The following MTDH variants were observed in gnomAD, a reference collection of about 807,000 sequenced individuals.
MTDH encodes metadherin, also known as protein LYRIC.
MTDH carries 34 observed loss-of-function variants against 72.7 expected under a neutral mutation model. The observed-to-expected ratio is 0.47, with a 90% CI of 0.36 to 0.62. The LOEUF (loss-of-function observed/expected upper bound fraction) is 0.62. MTDH is among the 20% of genes least tolerant of loss of function. The pLI is 0.00. For missense variants in MTDH, 677 were observed against 699.4 expected (o/e 0.97, Z 0.36); for synonymous variants, 266 against 268.9 (o/e 0.99, Z 0.10).
At chr8:97,652,975 C>G (rs1811831428) in intron 1 of MTDH, among the ~76,000 whole-genome samples, 1 of 151,928 alleles carries the variant, frequency 6.6e-6, no homozygotes, top group African/African-American at 2.4e-5. Context: ...AAAAATCAGC[C>G]AGGCATGGTG....
chr8:97,647,880 G>A (rs62521671), intron 1 of MTDH, among the ~76,000 whole-genome samples: 21,394 of 151,010 alleles, frequency 0.14, 1,735 homozygotes, highest in East Asian at 0.33. Flanking sequence ...GGAGTTTGAC[G>A]CTGTGATGAG....
Position 97,725,628 on chromosome 8 carries a change from T to C in MTDH, c.*958T>C, listed in dbSNP as rs1815322524. 6.6e-6 allele frequency: 1 copy of C among 152,638 alleles called. No individual in the cohort carries two copies. Among genetic ancestry groups the C allele is most frequent in the Non-Finnish European group, 1.5e-5 (1 of 68,036 alleles). 9.5% of individuals were successfully genotyped at this position (152,638 alleles called of 1,614,324 possible). A position where few individuals can be genotyped will look rare whatever the true frequency, so the allele number is the denominator to read the frequency against. ...TTGACATTGTCAACACCTCCAGTTA[T>C]CAGGAATACATTTTTTTACTGCCTT... On this transcript the variant is annotated 3_prime_UTR_variant, in exon 12 of 12. Coordinates refer to ENST00000336273, the MANE Select transcript of MTDH (RefSeq NM_178812.4).
At chr8:97,658,679 T>G (rs924767196) in intron 1 of MTDH, among the ~76,000 whole-genome samples, 1 of 152,142 alleles carries the variant, frequency 6.6e-6, no homozygotes, top group Non-Finnish European at 1.5e-5. Context: ...TTAGCAGATA[T>G]AAGTTTTGTG....
chr8:97,697,246 G>T (rs2131026267), intron 6 of MTDH, among the ~76,000 whole-genome samples: 1 of 148,156 alleles, frequency 6.7e-6, no homozygotes, highest in Non-Finnish European at 1.5e-5. Context: ...TTGTATAAAG[G>T]GACAGATAGT....
intron 2 of MTDH, among the ~76,000 whole-genome samples, chr8:97,668,546 C>T (rs996445997): frequency 6.6e-6 from 1 of 151,512 alleles, no homozygotes; most frequent in Non-Finnish European, 1.5e-5. Context: ...ATTTCAGATT[C>T]CACACTGTAA....
At chr8:97,697,150 A>ATATATATATATTTTTTTT in intron 6 of MTDH, among the ~76,000 whole-genome samples, 14 of 68,768 alleles carry the variant, frequency 2.0e-4, no homozygotes, top group African/African-American at 1.1e-3. Context: ...ATATATATAT[A>ATATATATATATTTTTTTT]TTTTTTTTTT....
At chr8:97,658,297 T>C (rs1054550515) in intron 1 of MTDH, among the ~76,000 whole-genome samples, 1 of 152,248 alleles carries the variant, frequency 6.6e-6, no homozygotes, top group Non-Finnish European at 1.5e-5. Flanking sequence ...TTGGCACAGA[T>C]AGGAGCGTAT....
At chr8:97,691,261 GAAAA>G (rs965507514) in intron 6 of MTDH, 73 bp downstream of exon 6, 3 of 1,087,008 alleles carry the variant, frequency 2.8e-6, no homozygotes, top group Middle Eastern at 2.5e-4. Context: ...TTCAGAAATA[GAAAA>G]AAAAACTATG....
intron 7 of MTDH, among the ~76,000 whole-genome samples, chr8:97,700,369 A>C (rs767565796): frequency 1.3e-5 from 2 of 152,126 alleles, no homozygotes; most frequent in Non-Finnish European, 2.9e-5. Context: ...CACAAACCTA[A>C]ATCTCAAAAT....
Position 97,644,883 on chromosome 8 carries a change from C to T in MTDH, c.377C>T (p.Pro126Leu), listed in dbSNP as rs1322785566. The T allele has an allele frequency of 6.5e-7, 1 of 1,550,280 alleles. No homozygotes were observed. Among genetic ancestry groups the T allele is most frequent in the African/African-American group, 1.5e-5 (1 of 68,782 alleles). The change falls in exon 1 of 12, where the codon CCC becomes CTC. Residue 126 changes from proline to leucine, a missense_variant. Around this residue, in one of 3 missense-constraint regions of MTDH, gnomAD observed 467 missense variants for 469.1 expected, o/e 1.00. Coordinates refer to ENST00000336273, the MANE Select transcript of MTDH (RefSeq NM_178812.4). ...KKNRKKLSEK[P>L]KPNGRTVEVA... Reference sequence around the variant, plus strand: ...AACCGGAAGAAACTGTCCGAGAAGCCCAAAGTGAGTATGGGATGAGCGGCA... The same window carrying T: ...AACCGGAAGAAACTGTCCGAGAAGCTCAAAGTGAGTATGGGATGAGCGGCA...
intron 2 of MTDH, among the ~76,000 whole-genome samples, chr8:97,684,150 A>C (rs1813263140): frequency 1.3e-5 from 2 of 151,998 alleles, no homozygotes; most frequent in Non-Finnish European, 2.9e-5. Flanking sequence ...AAAAAAAAAA[A>C]AAAAACGACT....
intron 2 of MTDH, among the ~76,000 whole-genome samples, chr8:97,662,868 G>A (rs1199910024): frequency 2.6e-5 from 4 of 151,122 alleles, no homozygotes; most frequent in East Asian, 3.9e-4. Context: ...TGAAGAAGTG[G>A]CTAAGTCACT....
At chr8:97,723,636 G>A (rs1815229532) in intron 11 of MTDH, among the ~76,000 whole-genome samples, 2 of 150,316 alleles carry the variant, frequency 1.3e-5, no homozygotes, top group South Asian at 4.2e-4. Flanking sequence ...CCAGCTACTC[G>A]GGAGGCTGAG....
chr8:97,682,364 T>C (rs1253204145), intron 2 of MTDH, among the ~76,000 whole-genome samples: 1 of 135,738 alleles, frequency 7.4e-6, no homozygotes, highest in Admixed American at 7.6e-5. Flanking sequence ...AATGGTGTGG[T>C]CTTGGCTCAC....
chr8:97,719,011 ATGC>A (rs1814993870), intron 9 of MTDH, 35 bp from the exon 10 acceptor site: 5 of 1,531,128 alleles, frequency 3.3e-6, no homozygotes, highest in Non-Finnish European at 3.5e-6. Flanking sequence ...TGAAGAATGA[ATGC>A]TTTATATAAT....
At position 97,701,894 on chromosome 8, in the gene MTDH, GT is replaced by G. The variant is rs556802719; in HGVS notation, c.1147+2043del. ...ATTCTATACTTAATCAAAGTAATAT[GT>G]ATCAGAAACACCATCTTCCTCAAGT... On this transcript the variant is annotated intron_variant, in intron 7 of 11. Transcript: ENST00000336273. 7.2e-5 allele frequency among the ~76,000 whole-genome samples: 11 copies of G among 152,290 alleles called. No homozygotes were observed. The South Asian group carries it at 2.3e-3, about 32-fold the overall frequency.
At chr8:97,678,922 A>G (rs911849467) in intron 2 of MTDH, among the ~76,000 whole-genome samples, 49 of 152,210 alleles carry the variant, frequency 3.2e-4, no homozygotes, top group African/African-American at 1.0e-3. Flanking sequence ...AACTCATGCA[A>G]TGAAGAGTGT....
Position 97,697,129 on chromosome 8 carries a change from A to AAT in MTDH, c.1049-2604_1049-2603dup, listed in dbSNP as rs1363194842. On this transcript the variant is annotated intron_variant, in intron 6 of 11. Coordinates refer to ENST00000336273, the MANE Select transcript of MTDH (RefSeq NM_178812.4). ...TGAGACTCTGTCTCACAAAAAAAAA[A>AAT]ATATATATATATATATATATATTTT... Among the ~76,000 whole-genome samples, 230 of 85,684 alleles carry AAT rather than the reference A, an allele frequency of 2.7e-3. 21 individuals are homozygous for AAT. The highest frequency in any genetic ancestry group is 6.6e-3 in the South Asian group (15 of 2,264). The allele number at this position is 85,684 out of a possible 152,430, so 56.2% of individuals were successfully genotyped here.
chr8:97,673,516 A>AG (rs2130963066), intron 2 of MTDH, among the ~76,000 whole-genome samples: 1 of 152,130 alleles, frequency 6.6e-6, no homozygotes, highest in African/African-American at 2.4e-5. Flanking sequence ...AAAAATCAGC[A>AG]GGGCATGGTG....
Sources: gnomAD v4.1 joint callset for allele counts (sites outside exome capture counted in the v4.1 genomes callset) on GRCh38, gnomAD v4.1.1 for gene constraint, gnomAD v4.1.1 regional missense constraint, MANE v1.5 for transcripts, NCBI Gene and HGNC (gene_info 2026-07-23, HGNC 2026-07-21) for gene names.